Variants in FSD1L observed in about 807,000 individuals in gnomAD.
The protein encoded by FSD1L is fibronectin type III and SPRY domain containing 1 like.
A neutral mutation model predicts 71.6 loss-of-function variants in FSD1L; 45 were observed. The ratio of observed to expected loss-of-function variants is 0.63; its 90% confidence interval spans 0.49 to 0.81. FSD1L has a LOEUF of 0.81. Ranked by LOEUF, FSD1L falls within the 30% of genes least tolerant of loss-of-function variation. The pLI, the probability that FSD1L is intolerant of heterozygous loss-of-function variation, is 0.00. For missense variants in FSD1L, 561 were observed against 618.1 expected, an observed-to-expected ratio of 0.91 and a Z score of 0.98; for synonymous variants, 197 against 207.2, an observed-to-expected ratio of 0.95 and a Z score of 0.42.
chr9:105,524,508 G>T (rs1468266630), intron 10 of FSD1L: 26 of 1,613,646 alleles, frequency 1.6e-5, no homozygotes, highest in African/African-American at 2.7e-5. Flanking sequence ...AGCAGAAAGC[G>T]ATAAAACAGA....
intron 1 of FSD1L, among the ~76,000 whole-genome samples, chr9:105,451,657 G>A (rs535148516): frequency 2.0e-5 from 3 of 152,278 alleles, no homozygotes; most frequent in East Asian, 3.9e-4. Context: ...GGACGCTTTC[G>A]TGAACAGGAT....
chr9:105,448,065 G>C lies in FSD1L; in HGVS notation c.-156G>C. The C allele has an allele frequency of 1.2e-6, 1 of 807,736 alleles. No individual in the cohort carries two copies. The highest frequency in any genetic ancestry group is 1.8e-5 in the African/African-American group (1 of 54,876). The allele number at this position is 807,736 out of a possible 1,614,324, so 50.0% of individuals were successfully genotyped here. A position where few individuals can be genotyped will look rare whatever the true frequency, so the allele number is the denominator to read the frequency against. On this transcript the variant is annotated 5_prime_UTR_variant, in exon 1 of 14. Transcript: ENST00000481272. ...CCCTGGCAACCGCGGCGTGACTACGGCGCGCGCGGTCTGGGCGCGGACGGG... is the reference window on the plus strand; with the variant it reads ...CCCTGGCAACCGCGGCGTGACTACGCCGCGCGCGGTCTGGGCGCGGACGGG...
chr9:105,479,302 G>T (rs1340780699), intron 5 of FSD1L, 52 bp from the exon 6 acceptor site: 24 of 1,528,774 alleles, frequency 1.6e-5, no homozygotes, highest in African/African-American at 2.8e-5. Context: ...ATTGAAACTT[G>T]CATGAAAAGC....
In FSD1L at chr9:105,523,953, G is replaced by A. The variant is rs113990745; in HGVS notation, c.1026-10540G>A. ...TTTTCTCAATGCACCAAGAGTAGAAGCACAAGTTCTTCTGGGATCTTTGGT... is the reference window on the plus strand; with the variant it reads ...TTTTCTCAATGCACCAAGAGTAGAAACACAAGTTCTTCTGGGATCTTTGGT... On this transcript the variant is annotated intron_variant, in intron 10 of 13. Transcript: ENST00000481272. The A allele has an allele frequency of 1.7e-3, 2,664 of 1,590,270 alleles. 43 individuals are homozygous for A. In the African/African-American group the frequency reaches 0.032, roughly 19 times the overall value.
chr9:105,516,418 G>A (rs532899608), intron 10 of FSD1L, among the ~76,000 whole-genome samples: 1 of 152,250 alleles, frequency 6.6e-6, no homozygotes, highest in Non-Finnish European at 1.5e-5. Context: ...AGTAGGTGCC[G>A]ATAGATACCT....
chr9:105,442,691 GA>G, the FSD1L span, among the ~76,000 whole-genome samples: 8,457 of 140,898 alleles, frequency 0.06, 756 homozygotes, highest in African/African-American at 0.2. Flanking sequence ...CTGTCTCAAA[GA>G]AAAAAAAAAA....
At chr9:105,520,290 T>A in intron 10 of FSD1L, 1 of 1,549,438 alleles carries the variant, frequency 6.5e-7, no homozygotes, top group Non-Finnish European at 8.8e-7. Flanking sequence ...TGAATCCTAG[T>A]TCAGAGTTTA....
chr9:105,512,206 G>A (rs1175406304), intron 9 of FSD1L, among the ~76,000 whole-genome samples: 1 of 120,534 alleles, frequency 8.3e-6, no homozygotes, highest in African/African-American at 3.4e-5. Context: ...TAGTTTTATG[G>A]TTTTTTTTTA....
intron 6 of FSD1L, among the ~76,000 whole-genome samples, chr9:105,480,725 A>G (rs1211451612): frequency 2.0e-5 from 3 of 152,212 alleles, no homozygotes; most frequent in African/African-American, 7.2e-5. Flanking sequence ...TGTGTGAGGA[A>G]TGGATGCTAG....
chr9:105,484,716 T>C (rs1170622270), intron 7 of FSD1L, among the ~76,000 whole-genome samples: 3 of 152,126 alleles, frequency 2.0e-5, no homozygotes, highest in East Asian at 3.8e-4. Flanking sequence ...TCAAGGGATC[T>C]CTTATTGTTA....
At chr9:105,524,066 A>G (rs1835350762) in intron 10 of FSD1L, 1 of 1,609,918 alleles carries the variant, frequency 6.2e-7, no homozygotes, top group Non-Finnish European at 8.5e-7. Context: ...ATGTTAAGGA[A>G]CTTATAATCA....
At chr9:105,526,421 G>A in intron 10 of FSD1L, 1 of 1,613,302 alleles carries the variant, frequency 6.2e-7, no homozygotes, top group Admixed American at 1.7e-5. Context: ...AACTCCCACA[G>A]CAGCGCAGGT....
At chr9:105,467,506 A>G (rs1239324318) in intron 3 of FSD1L, among the ~76,000 whole-genome samples, 2 of 152,162 alleles carry the variant, frequency 1.3e-5, no homozygotes, top group Non-Finnish European at 2.9e-5. Context: ...TGCATTATTG[A>G]CCATGTTACT....
intron 10 of FSD1L, chr9:105,513,646 C>T (rs762074272): frequency 6.6e-7 from 1 of 1,523,830 alleles, no homozygotes; most frequent in South Asian, 1.2e-5. Flanking sequence ...TGATCTATGT[C>T]TGTCTAGTTC....
chr9:105,483,821 G>A (rs1414408836), intron 6 of FSD1L, among the ~76,000 whole-genome samples: 1 of 152,210 alleles, frequency 6.6e-6, no homozygotes, highest in African/African-American at 2.4e-5. Flanking sequence ...GGTATTCATT[G>A]ATAGTGATTT....
chr9:105,545,187 C>T (rs1836908095), intron 13 of FSD1L, among the ~76,000 whole-genome samples: 1 of 149,404 alleles, frequency 6.7e-6, no homozygotes, highest in Non-Finnish European at 1.5e-5. Context: ...CTCTTTGAAG[C>T]AATTGTGAAT....
intron 10 of FSD1L, among the ~76,000 whole-genome samples, chr9:105,516,545 C>T (rs1431834353): frequency 6.6e-6 from 1 of 152,208 alleles, no homozygotes; most frequent in Non-Finnish European, 1.5e-5. Context: ...ATACCCAGGC[C>T]AACAGGGTCT....
chr9:105,446,366 C>CTTAT (rs59463718), upstream of FSD1L, among the ~76,000 whole-genome samples: 1 of 151,730 alleles, frequency 6.6e-6, no homozygotes, highest in Admixed American at 6.6e-5. Flanking sequence ...ATCCATTTGC[C>CTTAT]TTATTTATTT....
intron 10 of FSD1L, among the ~76,000 whole-genome samples, chr9:105,518,128 G>T (rs1332235267): frequency 1.3e-5 from 2 of 152,162 alleles, no homozygotes. Context: ...AAATATATAT[G>T]CACCCAACAC....
Sources: gnomAD v4.1 joint callset for allele counts (sites outside exome capture counted in the v4.1 genomes callset) on GRCh38, gnomAD v4.1.1 for gene constraint, MANE v1.5 for transcripts, NCBI Gene and HGNC (gene_info 2026-07-23, HGNC 2026-07-21) for gene names.